RPAP2: variants seen among roughly 807,000 people sequenced by gnomAD.
RPAP2 encodes the protein putative RNA polymerase II subunit B1 CTD phosphatase RPAP2.
In RPAP2, 52 loss-of-function variants were observed where a neutral mutation model predicts 73.1. That is an observed-to-expected ratio of 0.71 (90% confidence interval 0.57 to 0.90). The LOEUF (loss-of-function observed/expected upper bound fraction) is 0.90, where lower values mean the gene tolerates loss of function less well. Ranked by LOEUF, RPAP2 falls within the 40% of genes least tolerant of loss-of-function variation. RPAP2 has a pLI of 0.00. For missense variants in RPAP2, 598 were observed against 701.8 expected (o/e 0.85, Z 1.67); for synonymous variants, 225 against 242.1 (o/e 0.93, Z 0.65).
intron 11 of RPAP2, among the ~76,000 whole-genome samples, chr1:92,373,306 T>A (rs1347662768): frequency 6.6e-6 from 1 of 152,114 alleles, no homozygotes; most frequent in African/African-American, 2.4e-5. Flanking sequence ...GCCTCTAAAG[T>A]GAGGACAAAT....
intron 6 of RPAP2, among the ~76,000 whole-genome samples, chr1:92,309,195 G>A (rs1651424010): frequency 6.6e-6 from 1 of 152,120 alleles, no homozygotes; most frequent in African/African-American, 2.4e-5. Context: ...TGTAATCCCA[G>A]CACTTTGGGA....
At chr1:92,358,903 T>TA (rs918352396) in intron 11 of RPAP2, among the ~76,000 whole-genome samples, 73 of 151,962 alleles carry the variant, frequency 4.8e-4, no homozygotes, top group East Asian at 3.3e-3. Flanking sequence ...TCTTTAAATT[T>TA]AAAAAAAACA....
rs553207257 is a variant in RPAP2 at position 92,369,260 on chromosome 1, A to G, written c.1689-11464A>G. 2.5e-3 allele frequency among the ~76,000 whole-genome samples: 384 copies of G among 152,250 alleles called. 3 individuals carry two copies. The highest frequency in any genetic ancestry group is 9.3e-3 in the South Asian group (45 of 4,818). The stretch of plus-strand genomic sequence containing the variant: ...ATTTACATAGAAGTTATTTGGGCCC[A>G]CCATGTTATTATGGGGTTTTGCTTG... On this transcript the variant is annotated intron_variant, in intron 11 of 12. Coordinates refer to ENST00000610020, the MANE Select transcript of RPAP2 (RefSeq NM_024813.3).
rs985370410 is a variant in RPAP2 at position 92,398,402 on chromosome 1, G to A, written c.*11391G>A. 3 of 152,132 alleles carry A rather than the reference G, an allele frequency of 2.0e-5. No individual in the cohort carries two copies. The highest frequency in any genetic ancestry group is 2.0e-4 in the Admixed American group (3 of 15,272). The allele number at this position is 152,132 out of a possible 1,614,324, so 9.4% of individuals were successfully genotyped here. On this transcript the variant is annotated 3_prime_UTR_variant, in exon 13 of 13. Coordinates refer to ENST00000610020, the MANE Select transcript of RPAP2 (RefSeq NM_024813.3). Reference sequence around the variant, plus strand: ...TTTAAGGTATTATTTAGCATCTTCTGCTTATAGTCATGTCCAAAAACCAGT... The same window carrying A: ...TTTAAGGTATTATTTAGCATCTTCTACTTATAGTCATGTCCAAAAACCAGT...
intron 6 of RPAP2, among the ~76,000 whole-genome samples, chr1:92,312,659 A>C (rs2101133394): frequency 6.6e-6 from 1 of 152,196 alleles, no homozygotes. Context: ...TCCACTTCTA[A>C]TTCTTATCTT....
chr1:92,345,457 G>C (rs1156971635), intron 10 of RPAP2, among the ~76,000 whole-genome samples: 1 of 147,158 alleles, frequency 6.8e-6, no homozygotes, highest in Non-Finnish European at 1.5e-5. Context: ...GGGAGGGACA[G>C]AGGGAGGGAG....
intron 11 of RPAP2, among the ~76,000 whole-genome samples, chr1:92,380,313 G>A (rs1482085644): frequency 2.0e-5 from 3 of 151,444 alleles, no homozygotes; most frequent in Non-Finnish European, 2.9e-5. Flanking sequence ...TCATTCAAAA[G>A]GTAATCTTGT....
chr1:92,303,028 G>A (rs1190650620), intron 3 of RPAP2, among the ~76,000 whole-genome samples: 1 of 152,114 alleles, frequency 6.6e-6, no homozygotes, highest in Non-Finnish European at 1.5e-5. Context: ...GCGAGACCCT[G>A]TCTAAATAAA....
rs1656277902 is a variant in RPAP2, at chr1:92,400,051, G to C, written c.*13040G>C. 1 of 152,172 alleles carries C rather than the reference G, an allele frequency of 6.6e-6. No individual in the cohort carries two copies. The highest frequency in any genetic ancestry group is 2.1e-4 in the South Asian group (1 of 4,828). 9.4% of individuals were successfully genotyped at this position (152,172 alleles called of 1,614,324 possible). A position where few individuals can be genotyped will look rare whatever the true frequency, so the allele number is the denominator to read the frequency against. ...TCCACAAGATCAGCCAGTTTTAGCA[G>C]AGCAGTTGCTAAAACCCAGGTCTCA... On this transcript the variant is annotated 3_prime_UTR_variant, in exon 13 of 13. Transcript: ENST00000610020.
intron 5 of RPAP2, among the ~76,000 whole-genome samples, chr1:92,306,798 C>T (rs11808250): frequency 1.8e-3 from 276 of 151,452 alleles, no homozygotes; most frequent in African/African-American, 6.3e-3. Flanking sequence ...AGACCCTGTC[C>T]CTAAAAAAAA....
intron 11 of RPAP2, among the ~76,000 whole-genome samples, chr1:92,372,124 T>G (rs1655181810): frequency 6.6e-6 from 1 of 152,190 alleles, no homozygotes; most frequent in African/African-American, 2.4e-5. Flanking sequence ...ATATGCAATT[T>G]TTATTTGCCA....
At chr1:92,315,575 C>A (rs1465635244) in intron 6 of RPAP2, among the ~76,000 whole-genome samples, 2 of 152,048 alleles carry the variant, frequency 1.3e-5, no homozygotes, top group African/African-American at 4.8e-5. Context: ...ATTTATTTAC[C>A]AGATTTTATA....
chr1:92,363,281 T>C (rs1326723075), intron 11 of RPAP2, among the ~76,000 whole-genome samples: 1 of 151,810 alleles, frequency 6.6e-6, no homozygotes, highest in Non-Finnish European at 1.5e-5. Context: ...AAGGAGCCAA[T>C]AAAGAAAAAT....
chr1:92,323,136 A>G lies in RPAP2; in HGVS notation c.525-309A>G, dbSNP rs557266030. 2.0e-5 allele frequency among the ~76,000 whole-genome samples: 3 copies of G among 149,076 alleles called. No individual in the cohort carries two copies. In the East Asian group the frequency reaches 5.8e-4, roughly 29 times the overall value. ...CCAAATAGTGCAGTAGGATAGCATT[A>G]TCAAGTTTTTTAAAAAGTTTTGCTG... On this transcript the variant is annotated intron_variant, in intron 7 of 12. Transcript: ENST00000610020.
intron 8 of RPAP2, among the ~76,000 whole-genome samples, chr1:92,333,081 CATTTGTA>C: frequency 6.6e-6 from 1 of 152,108 alleles, no homozygotes; most frequent in South Asian, 2.1e-4. Context: ...TAATCCCCTA[CATTTGTA>C]CAGCACTTAG....
chr1:92,365,103 G>T, intron 11 of RPAP2, among the ~76,000 whole-genome samples: 1 of 152,072 alleles, frequency 6.6e-6, no homozygotes. Flanking sequence ...TCAAGATCCA[G>T]TTCAAATGTT....
intron 11 of RPAP2, among the ~76,000 whole-genome samples, chr1:92,363,098 C>A (rs1654797670): frequency 6.6e-6 from 1 of 151,982 alleles, no homozygotes; most frequent in African/African-American, 2.4e-5. Flanking sequence ...AAAATAAAAG[C>A]CTTTTTATAA....
At chr1:92,358,972 A>G (rs1654616264) in intron 11 of RPAP2, among the ~76,000 whole-genome samples, 1 of 152,118 alleles carries the variant, frequency 6.6e-6, no homozygotes, top group African/African-American at 2.4e-5. Context: ...TCATCCACTC[A>G]CCTACCAAAC....
At chr1:92,359,776 G>C (rs1160903837) in intron 11 of RPAP2, among the ~76,000 whole-genome samples, 1 of 152,208 alleles carries the variant, frequency 6.6e-6, no homozygotes, top group Non-Finnish European at 1.5e-5. Context: ...AGATTTTAGT[G>C]TCAGCATTGG....
Sources: gnomAD v4.1 joint callset for allele counts (sites outside exome capture counted in the v4.1 genomes callset) on GRCh38, gnomAD v4.1.1 for gene constraint, MANE v1.5 for transcripts, NCBI Gene and HGNC (gene_info 2026-07-23, HGNC 2026-07-21) for gene names.